SPTB: variants seen among roughly 807,000 people sequenced by gnomAD.
The protein encoded by SPTB is spectrin beta, erythrocytic.
Under a neutral mutation model 256.2 loss-of-function variants are expected in SPTB, and 45 were observed. That is an observed-to-expected ratio of 0.18 (90% CI 0.14 to 0.23). The LOEUF is 0.23. Among genes scored for constraint, SPTB ranks in the 10% least tolerant of loss-of-function variants. The probability of loss-of-function intolerance (pLI) is 1.00; values close to 1 mark genes in which losing one functional copy is unlikely to be tolerated. For synonymous variants in SPTB, 1,231 were observed against 1,243.1 expected (o/e 0.99, Z 0.21); for missense variants, 2,715 against 3,040.4 (o/e 0.89, Z 2.52).
At chr14:64,791,632 G>T in intron 15 of SPTB, 87 bp downstream of exon 15, 1 of 1,383,670 alleles carries the variant, frequency 7.2e-7, no homozygotes, top group South Asian at 1.2e-5. Flanking sequence ...GTGCATACTA[G>T]GTGGACTAAA....
Position 64,823,263 on chromosome 14 carries a change from TCA to T in SPTB, c.-51-120_-51-119del. On this transcript the variant is annotated intron_variant, in intron 1 of 35. Transcript: ENST00000644917. This position sits in a 1 kb window ranked among gnomAD's most constrained non-coding sequence, Gnocchi z 6.5. ...ATCCTGACAGAAGCAGAACGCCATG[TCA>T]TCTGCCTGGGCGTGCTTCCTACCAG... The T allele has an allele frequency of 1.3e-6, 1 of 756,260 alleles. No homozygotes were observed. The highest frequency in any genetic ancestry group is 2.7e-5 in the East Asian group (1 of 36,890). The allele number at this position is 756,260 out of a possible 1,614,324, so 46.8% of individuals were successfully genotyped here. A position where few individuals can be genotyped will look rare whatever the true frequency, so the allele number is the denominator to read the frequency against.
In SPTB at chr14:64,786,400, C is replaced by G. The variant is rs779502307; in HGVS notation, c.3561+4G>C. On this transcript the variant is annotated splice_donor_region_variant and intron_variant, in intron 16 of 35. Transcript: ENST00000644917. This position sits in a 1 kb window ranked among gnomAD's most constrained non-coding sequence, Gnocchi z 5.6. Reference sequence around the variant, plus strand: ...GCCTGTCCCAGCCCTGAATGCCTCTCTACCTGGTTGCTGAGGATGGCTTCA... The same window carrying G: ...GCCTGTCCCAGCCCTGAATGCCTCTGTACCTGGTTGCTGAGGATGGCTTCA... 1 of 1,614,078 alleles carries G rather than the reference C, an allele frequency of 6.2e-7. No homozygotes were observed. The highest frequency in any genetic ancestry group is 1.1e-5 in the South Asian group (1 of 91,088).
At chr14:64,876,467 G>C (rs1160330312) in intron 1 of SPTB, among the ~76,000 whole-genome samples, 2 of 152,114 alleles carry the variant, frequency 1.3e-5, no homozygotes, top group Non-Finnish European at 2.9e-5. Flanking sequence ...TTTTGTGTTT[G>C]ATTTTGAAAT....
At chr14:64,879,178 A>G (rs1882984479) in intron 1 of SPTB, among the ~76,000 whole-genome samples, 1 of 152,138 alleles carries the variant, frequency 6.6e-6, no homozygotes, top group Admixed American at 6.5e-5. Context: ...TCCTTGAAGT[A>G]TGGCTTGGGG....
At chr14:64,818,599 G>C (rs1485892518) in intron 2 of SPTB, among the ~76,000 whole-genome samples, 1 of 152,168 alleles carries the variant, frequency 6.6e-6, no homozygotes, top group Non-Finnish European at 1.5e-5. Flanking sequence ...GTGCAGGCAG[G>C]CAGATGCCTC....
intron 15 of SPTB, among the ~76,000 whole-genome samples, chr14:64,788,388 T>C (rs2082610545): frequency 6.6e-6 from 1 of 152,092 alleles, no homozygotes; most frequent in South Asian, 2.1e-4. Flanking sequence ...GCAGCCAGTA[T>C]GATTTGAAAG....
chr14:64,859,154 T>C (rs1421057223), intron 1 of SPTB, among the ~76,000 whole-genome samples: 2 of 152,072 alleles, frequency 1.3e-5, no homozygotes, highest in South Asian at 2.1e-4. Flanking sequence ...CTCCAGAGGC[T>C]GAGGCACGAG....
chr14:64,797,510 G>A (rs1484466944), intron 10 of SPTB, among the ~76,000 whole-genome samples: 3 of 133,936 alleles, frequency 2.2e-5, no homozygotes, highest in Non-Finnish European at 4.6e-5. Context: ...AAAGGACTCA[G>A]GGATGCAGGG....
rs750634381 is a variant in SPTB at position 64,749,432 on chromosome 14, G to T, written c.6861C>A (p.Ile2287=). 4.9e-5 allele frequency: 78 copies of T among 1,604,554 alleles called. No individual in the cohort carries two copies. Among genetic ancestry groups the T allele is most frequent in the Non-Finnish European group, 6.4e-5 (76 of 1,179,206 alleles). The change falls in exon 36 of 36, where the codon ATC becomes ATA. Residue 2287 remains isoleucine (I), a synonymous_variant. Coordinates refer to ENST00000644917, the MANE Select transcript of SPTB (RefSeq NM_001355436.2). The surrounding 1 kb of genome is among the most constrained non-coding windows in gnomAD (Gnocchi z 4.7). ...TGACGCGGATGCTCTGGGACTCGTTGATGGCGGTGCTCACGCCCTGCAGCC... is the reference window on the plus strand; with the variant it reads ...TGACGCGGATGCTCTGGGACTCGTTTATGGCGGTGCTCACGCCCTGCAGCC... ...LSWLQGVSTA[I]NESQSIRVKA... is the part of the protein sequence containing the mutation.
chr14:64,860,509 T>G (rs1205743016), intron 1 of SPTB, among the ~76,000 whole-genome samples: 3 of 148,670 alleles, frequency 2.0e-5, no homozygotes. Context: ...AGGTCTGTGT[T>G]TTTTTTTTTA....
chr14:64,871,103 A>G (rs968715453), intron 1 of SPTB, among the ~76,000 whole-genome samples: 1 of 152,266 alleles, frequency 6.6e-6, no homozygotes, highest in Non-Finnish European at 1.5e-5. Context: ...ATTTGAGCAA[A>G]TAATACACAT....
intron 15 of SPTB, among the ~76,000 whole-genome samples, chr14:64,787,392 G>T (rs1259722750): frequency 6.6e-6 from 1 of 152,122 alleles, no homozygotes; most frequent in Non-Finnish European, 1.5e-5. Context: ...ATCAGCAGGG[G>T]GCAATTAATT....
chr14:64,879,649 G>A (rs1883015024), intron 1 of SPTB, 143 bp downstream of exon 1: 1 of 145,464 alleles, frequency 6.9e-6, no homozygotes, highest in African/African-American at 2.5e-5. Flanking sequence ...CCCGACAACC[G>A]GGGCTGGACT....
chr14:64,752,081 G>A (rs1039847373), intron 33 of SPTB: 1 of 910,392 alleles, frequency 1.1e-6, no homozygotes, highest in Non-Finnish European at 1.5e-6. Context: ...GTGACAGAGT[G>A]AGACTCTGTC....
Position 64,873,059 on chromosome 14 carries a change from C to T in SPTB, c.-52+6733G>A, listed in dbSNP as rs540217617. 1.4e-4 allele frequency among the ~76,000 whole-genome samples: 22 copies of T among 152,332 alleles called. 1 individual carries two copies. In the South Asian group the frequency reaches 4.1e-3, roughly 29 times the overall value. On this transcript the variant is annotated intron_variant, in intron 1 of 35. Coordinates refer to ENST00000644917, the MANE Select transcript of SPTB (RefSeq NM_001355436.2). This position sits in a 1 kb window ranked among gnomAD's most constrained non-coding sequence, Gnocchi z 4.3. ...CTCTTCTCCCAAACATCCCATGCCT[C>T]TCTCCCCACTTCATTTGAGTCTCAG...
chr14:64,773,080 A>G (rs1002841168), intron 25 of SPTB, 126 bp from the exon 26 acceptor site: 39 of 1,551,618 alleles, frequency 2.5e-5, no homozygotes, highest in Non-Finnish European at 3.1e-5. Context: ...CACCTTCCCC[A>G]GGGCAGGCCT....
rs1361614902 is a variant in SPTB at position 64,796,829 on chromosome 14, T to C, written c.1183-114A>G. ...TTTCTGGAATCAAGGTACAGCCTGA[T>C]GCTCTTGGGTGACGTGGTAGCAGAT... On this transcript the variant is annotated intron_variant, in intron 10 of 35. Transcript: ENST00000644917. The surrounding 1 kb of genome is among the most constrained non-coding windows in gnomAD (Gnocchi z 4.1). 2.7e-5 allele frequency: 36 copies of C among 1,352,740 alleles called. No homozygotes were observed. In the Admixed American group the frequency reaches 6.2e-4, roughly 23 times the overall value. 83.8% of individuals were successfully genotyped at this position (1,352,740 alleles called of 1,614,324 possible). A position where few individuals can be genotyped will look rare whatever the true frequency, so the allele number is the denominator to read the frequency against.
chr14:64,765,723 C>T (rs974328473), intron 32 of SPTB, among the ~76,000 whole-genome samples: 2 of 152,186 alleles, frequency 1.3e-5, no homozygotes, highest in African/African-American at 4.8e-5. Context: ...GGGAAAGAAT[C>T]GCCTACAAGG....
intron 1 of SPTB, among the ~76,000 whole-genome samples, chr14:64,867,001 A>G (rs905060451): frequency 2.1e-4 from 32 of 152,206 alleles, no homozygotes; most frequent in African/African-American, 7.7e-4. Flanking sequence ...ATTCACTGAA[A>G]AATGAGGTGG....
Sources: allele counts gnomAD v4.1 joint callset (sites outside exome capture counted in the v4.1 genomes callset), GRCh38; gene constraint gnomAD v4.1.1; non-coding constraint Gnocchi (gnomAD v3.1); transcripts MANE v1.5; gene names NCBI Gene and HGNC (gene_info 2026-07-23, HGNC 2026-07-21).